CCDC146: variants seen among roughly 807,000 people sequenced by gnomAD.
The protein encoded by CCDC146 is coiled-coil domain-containing protein 146.
Under a neutral mutation model 119.3 loss-of-function variants are expected in CCDC146, and 92 were observed. The observed-to-expected ratio is 0.77, with a 90% confidence interval of 0.65 to 0.92. The LOEUF is 0.92. CCDC146 is among the 40% of genes least tolerant of loss of function. The pLI is 0.00. For synonymous variants in CCDC146, 372 were observed against 371.8 expected (o/e 1.00, Z -0.01); for missense variants, 1,000 against 1,103.0 (o/e 0.91, Z 1.32).
Position 77,290,040 on chromosome 7 carries a change from C to T in CCDC146, c.2415+2463C>T, listed in dbSNP as rs560011559. On this transcript the variant is annotated intron_variant, in intron 17 of 18. Coordinates refer to ENST00000285871, the MANE Select transcript of CCDC146 (RefSeq NM_020879.3). Reference sequence around the variant, plus strand: ...GGATTAAGCAAATGTGGTACATATACACCATGGAATACTATGCAGCCAAAA... The same window carrying T: ...GGATTAAGCAAATGTGGTACATATATACCATGGAATACTATGCAGCCAAAA... Among the ~76,000 whole-genome samples the T allele has an allele frequency of 2.1e-3, 317 of 150,496 alleles. 5 individuals are homozygous for T. The highest frequency in any genetic ancestry group is 3.4e-3 in the Middle Eastern group (1 of 292).
chr7:77,209,430 G>T (rs1047756197), intron 2 of CCDC146, among the ~76,000 whole-genome samples: 4 of 152,254 alleles, frequency 2.6e-5, no homozygotes, highest in Non-Finnish European at 5.9e-5. Flanking sequence ...CTCCACCCCT[G>T]TGGCTCTGCA....
At chr7:77,215,017 C>T (rs549740681) in intron 2 of CCDC146, among the ~76,000 whole-genome samples, 2 of 152,206 alleles carry the variant, frequency 1.3e-5, no homozygotes, top group African/African-American at 4.8e-5. Context: ...ATTATTTTCT[C>T]TTCACTTATT....
chr7:77,186,007 A>G (rs1272735787), intron 2 of CCDC146, among the ~76,000 whole-genome samples: 1 of 152,204 alleles, frequency 6.6e-6, no homozygotes, highest in Admixed American at 6.5e-5. Context: ...TGCTGTGAGG[A>G]TATGAAGAAA....
At chr7:77,272,781 A>C (rs1488504136) in intron 9 of CCDC146, among the ~76,000 whole-genome samples, 2 of 152,222 alleles carry the variant, frequency 1.3e-5, no homozygotes, top group African/African-American at 4.8e-5. Flanking sequence ...AAAGACTTAA[A>C]GAGTGAGATT....
intron 1 of CCDC146, among the ~76,000 whole-genome samples, chr7:77,156,160 A>G (rs919393247): frequency 6.6e-6 from 1 of 152,218 alleles, no homozygotes; most frequent in Non-Finnish European, 1.5e-5. Context: ...CATGGATTAC[A>G]CATGCGTATA....
At chr7:77,200,969 C>A (rs537592099) in intron 2 of CCDC146, among the ~76,000 whole-genome samples, 1 of 152,104 alleles carries the variant, frequency 6.6e-6, no homozygotes, top group Non-Finnish European at 1.5e-5. Flanking sequence ...CACTCTGTAG[C>A]CTATCTCATA....
chr7:77,259,939 AGTGTGTGTGTGTGTGTGTGT>A lies in CCDC146; in HGVS notation c.759-31_759-12del, dbSNP rs58669153. On this transcript the variant is annotated intron_variant, in intron 7 of 18. Coordinates refer to ENST00000285871, the MANE Select transcript of CCDC146 (RefSeq NM_020879.3). ...GCCAGCATGGCCTCAAAATAAGGCAAGTGTGTGTGTGTGTGTGTGTGTGTGTGTGTGTGTGTGTGTGTGTG... is the reference window on the plus strand; with the variant it reads ...GCCAGCATGGCCTCAAAATAAGGCAAGTGTGTGTGTGTGTGTGTGTGTGTG... 1,149 of 757,962 alleles carry A rather than the reference AGTGTGTGTGTGTGTGTGTGT, an allele frequency of 1.5e-3. 1 individual carries two copies. The highest frequency in any genetic ancestry group is 6.1e-3 in the African/African-American group (310 of 50,912). 47.0% of individuals were successfully genotyped at this position (757,962 alleles called of 1,614,324 possible). A position where few individuals can be genotyped will look rare whatever the true frequency, so the allele number is the denominator to read the frequency against.
chr7:77,232,727 G>A (rs1792654813), intron 2 of CCDC146, among the ~76,000 whole-genome samples: 1 of 152,204 alleles, frequency 6.6e-6, no homozygotes, highest in Non-Finnish European at 1.5e-5. Flanking sequence ...ACATTAGGGA[G>A]TGAGTACTGG....
chr7:77,207,567 A>G (rs1792103478), intron 2 of CCDC146, among the ~76,000 whole-genome samples: 1 of 152,232 alleles, frequency 6.6e-6, no homozygotes, highest in African/African-American at 2.4e-5. Flanking sequence ...ATATAAATAT[A>G]GATTTAAAAT....
rs769570123 is a variant in CCDC146 at position 77,262,314 on chromosome 7, G to C, written c.1173+7G>C. 3 of 1,523,366 alleles carry C rather than the reference G, an allele frequency of 2.0e-6. No individual in the cohort carries two copies. The highest frequency in any genetic ancestry group is 1.8e-6 in the Non-Finnish European group (2 of 1,133,178). 94.4% of individuals were successfully genotyped at this position (1,523,366 alleles called of 1,614,324 possible). A position where few individuals can be genotyped will look rare whatever the true frequency, so the allele number is the denominator to read the frequency against. On this transcript the variant is annotated splice_region_variant and intron_variant, in intron 9 of 18. Transcript: ENST00000285871. ...TCAAAGGCTTCTATTAGAGGTGAGG[G>C]CTGTAAACTACCATCTGATTTTTAA... is the stretch of plus-strand genomic sequence containing the variant.
At chr7:77,240,692 G>T (rs1364026482) in intron 3 of CCDC146, among the ~76,000 whole-genome samples, 2 of 152,138 alleles carry the variant, frequency 1.3e-5, no homozygotes, top group African/African-American at 4.8e-5. Flanking sequence ...TCATAGAAAA[G>T]TTGCAAAAAT....
At chr7:77,212,395 G>C (rs931429734) in intron 2 of CCDC146, among the ~76,000 whole-genome samples, 1 of 152,040 alleles carries the variant, frequency 6.6e-6, no homozygotes, top group Non-Finnish European at 1.5e-5. Context: ...GCCGAGGTGG[G>C]CGGATCACGA....
intron 1 of CCDC146, among the ~76,000 whole-genome samples, chr7:77,132,553 C>CA (rs58502705): frequency 0.58 from 61,675 of 107,202 alleles, 17,705 homozygotes; most frequent in South Asian, 0.78. Context: ...TCGATCTCTA[C>CA]AAAAAAAAAA....
intron 8 of CCDC146, among the ~76,000 whole-genome samples, chr7:77,261,101 A>G (rs936568377): frequency 1.3e-5 from 2 of 151,414 alleles, no homozygotes; most frequent in African/African-American, 4.9e-5. Context: ...GAGAATAGTC[A>G]TGTGTGTATA....
rs376951485 is a variant in CCDC146 at position 77,256,551 on chromosome 7, T to A, written c.684+42T>A. ...TGATATTTAAACATTGTGCCTTGCA[T>A]GGATATAAAAGTGTGTGGGTATCAA... On this transcript the variant is annotated intron_variant, in intron 6 of 18. Coordinates refer to ENST00000285871, the MANE Select transcript of CCDC146 (RefSeq NM_020879.3). 2.6e-6 allele frequency: 4 copies of A among 1,524,780 alleles called. No individual in the cohort carries two copies. In the African/African-American group the frequency reaches 4.2e-5, roughly 16 times the overall value. The allele number at this position is 1,524,780 out of a possible 1,614,324, so 94.5% of individuals were successfully genotyped here.
chr7:77,151,918 G>T (rs944025427), intron 1 of CCDC146, among the ~76,000 whole-genome samples: 1 of 152,168 alleles, frequency 6.6e-6, no homozygotes, highest in Non-Finnish European at 1.5e-5. Context: ...GACTTTTGTA[G>T]TGTAGTGCTC....
intron 2 of CCDC146, among the ~76,000 whole-genome samples, chr7:77,232,926 C>T (rs1792659226): frequency 6.6e-6 from 1 of 152,202 alleles, no homozygotes; most frequent in Non-Finnish European, 1.5e-5. Context: ...GGGATGGATG[C>T]AGCCCATGGT....
chr7:77,217,930 C>T (rs1406271749), intron 2 of CCDC146, among the ~76,000 whole-genome samples: 2 of 152,098 alleles, frequency 1.3e-5, no homozygotes, highest in Non-Finnish European at 2.9e-5. Flanking sequence ...ATGGAGCTTG[C>T]AGGACTGGAA....
At chr7:77,145,335 T>C (rs1466332103) in intron 1 of CCDC146, among the ~76,000 whole-genome samples, 1 of 151,804 alleles carries the variant, frequency 6.6e-6, no homozygotes, top group East Asian at 1.9e-4. Context: ...TTGCTAGTGG[T>C]CTATCAATTT....
Sources: allele counts gnomAD v4.1 joint callset (sites outside exome capture counted in the v4.1 genomes callset), GRCh38; gene constraint gnomAD v4.1.1; transcripts MANE v1.5; gene names NCBI Gene and HGNC (gene_info 2026-07-23, HGNC 2026-07-21).